VWA8: variants seen among roughly 807,000 people sequenced by gnomAD.
VWA8 encodes von Willebrand factor A domain containing 8.
VWA8 carries 221 observed loss-of-function variants against 241.5 expected under a neutral mutation model. The observed-to-expected ratio is 0.91, with a 90% CI of 0.82 to 1.02. The LOEUF is 1.02. VWA8 is among the 50% of genes least tolerant of loss of function. VWA8 has a pLI of 0.00. For missense variants in VWA8, 2,322 were observed against 2,328.7 expected, an observed-to-expected ratio of 1.00 and a Z score of 0.06; for synonymous variants, 852 against 827.1, an observed-to-expected ratio of 1.03 and a Z score of -0.52.
intron 1 of VWA8, among the ~76,000 whole-genome samples, chr13:41,959,738 A>C (rs1472507832): frequency 6.7e-6 from 1 of 150,080 alleles, no homozygotes. Flanking sequence ...AGTAGCTGGG[A>C]TTACTGGCGC....
intron 2 of VWA8, among the ~76,000 whole-genome samples, chr13:41,921,154 T>C (rs1376164136): frequency 6.6e-6 from 1 of 152,086 alleles, no homozygotes; most frequent in Non-Finnish European, 1.5e-5. Flanking sequence ...ATAAACGTAA[T>C]CCAGCACATA....
chr13:41,718,086 C>T (rs769196440), intron 26 of VWA8, among the ~76,000 whole-genome samples: 52 of 151,724 alleles, frequency 3.4e-4, no homozygotes, highest in Non-Finnish European at 6.9e-4. Flanking sequence ...TTAACCTTAC[C>T]AATTAATATG....
intron 9 of VWA8, among the ~76,000 whole-genome samples, chr13:41,871,519 T>C (rs1032962294): frequency 2.0e-5 from 3 of 152,170 alleles, no homozygotes; most frequent in South Asian, 2.1e-4. Context: ...TGTGTTCTCA[T>C]TGTTCCATTC....
intron 16 of VWA8, among the ~76,000 whole-genome samples, chr13:41,815,779 A>G (rs1418584287): frequency 6.6e-6 from 1 of 152,258 alleles, no homozygotes; most frequent in Non-Finnish European, 1.5e-5. Flanking sequence ...AGAGAGTCAT[A>G]TGATGAATGA....
intron 44 of VWA8, among the ~76,000 whole-genome samples, chr13:41,568,765 T>C (rs980911837): frequency 6.6e-6 from 1 of 152,218 alleles, no homozygotes; most frequent in Admixed American, 6.5e-5. Flanking sequence ...TGAGTGGTTC[T>C]TTCTCTCTTT....
At chr13:41,917,471 C>T (rs922130738) in intron 2 of VWA8, among the ~76,000 whole-genome samples, 8 of 152,046 alleles carry the variant, frequency 5.3e-5, no homozygotes, top group African/African-American at 1.7e-4. Flanking sequence ...GTGCAGAACA[C>T]GCAGATTTGT....
chr13:41,699,253 G>C lies in VWA8; in HGVS notation c.3382C>G (p.Leu1128Val). 2 of 1,614,126 alleles carry C rather than the reference G, an allele frequency of 1.2e-6. No homozygotes were observed. The highest frequency in any genetic ancestry group is 1.7e-6 in the Non-Finnish European group (2 of 1,180,004). Residue 1128 changes from leucine to valine, a missense_variant, in exon 29 of 45, where the codon CTC (leucine) becomes GTC (valine). By Grantham distance (32) the Leu-to-Val change is conservative (BLOSUM62 1). Transcript: ENST00000379310. ...ATSHENEQNT[L>V]YVVTCNPASL... ...GCGGGATTGCATGTAACTACATAGAGAGTATTTTGCTCATTTTCTGAAATG... is the reference window on the plus strand; with the variant it reads ...GCGGGATTGCATGTAACTACATAGACAGTATTTTGCTCATTTTCTGAAATG...
intron 40 of VWA8, among the ~76,000 whole-genome samples, chr13:41,604,060 C>T (rs566049448): frequency 2.6e-5 from 4 of 152,202 alleles, no homozygotes; most frequent in Admixed American, 6.6e-5. Context: ...TACTCATTCT[C>T]AAGTCTTAGG....
At chr13:41,623,254 C>A (rs1421022753) in intron 37 of VWA8, among the ~76,000 whole-genome samples, 1 of 152,148 alleles carries the variant, frequency 6.6e-6, no homozygotes, top group Admixed American at 6.6e-5. Flanking sequence ...GCTGTAGCAT[C>A]CACATGGTGA....
At chr13:41,687,458 C>A (rs1384528881) in intron 34 of VWA8, among the ~76,000 whole-genome samples, 1 of 152,112 alleles carries the variant, frequency 6.6e-6, no homozygotes, top group Non-Finnish European at 1.5e-5. Context: ...AGGTAGCATA[C>A]TCATTTGTCA....
At chr13:41,945,852 A>T (rs1877825436) in intron 2 of VWA8, among the ~76,000 whole-genome samples, 1 of 152,154 alleles carries the variant, frequency 6.6e-6, no homozygotes, top group Admixed American at 6.5e-5. Context: ...AATAATAATG[A>T]AAAATAATAG....
At chr13:41,667,911 C>G in intron 37 of VWA8, among the ~76,000 whole-genome samples, 1 of 152,082 alleles carries the variant, frequency 6.6e-6, no homozygotes, top group East Asian at 1.9e-4. Flanking sequence ...ATGTTTCTAT[C>G]AAAGCATGTA....
At chr13:41,634,945 A>G (rs1004929412) in intron 37 of VWA8, among the ~76,000 whole-genome samples, 2 of 152,158 alleles carry the variant, frequency 1.3e-5, no homozygotes, top group African/African-American at 4.8e-5. Context: ...CATGGAAGAA[A>G]CATTTTATCA....
At chr13:41,803,540 T>C (rs963340543) in intron 17 of VWA8, among the ~76,000 whole-genome samples, 1 of 152,136 alleles carries the variant, frequency 6.6e-6, no homozygotes, top group African/African-American at 2.4e-5. Flanking sequence ...AGAGAACTTG[T>C]GCAGGGAAAC....
At chr13:41,611,246 C>T (rs954239001) in intron 39 of VWA8, among the ~76,000 whole-genome samples, 1 of 152,152 alleles carries the variant, frequency 6.6e-6, no homozygotes, top group African/African-American at 2.4e-5. Flanking sequence ...GTTCCCTTGT[C>T]CTGTCTCCGC....
chr13:41,837,975 C>T (rs1382443401), intron 12 of VWA8, among the ~76,000 whole-genome samples: 1 of 152,146 alleles, frequency 6.6e-6, no homozygotes, highest in Non-Finnish European at 1.5e-5. Context: ...TAACCTTGAA[C>T]ACCTCACTTT....
At chr13:41,918,288 A>C (rs1446032146) in intron 2 of VWA8, among the ~76,000 whole-genome samples, 1 of 152,214 alleles carries the variant, frequency 6.6e-6, no homozygotes, top group East Asian at 1.9e-4. Context: ...AGCTGTTATC[A>C]AAACTAAATC....
chr13:41,881,990 G>T (rs893084035), intron 9 of VWA8, among the ~76,000 whole-genome samples: 1 of 151,076 alleles, frequency 6.6e-6, no homozygotes, highest in Non-Finnish European at 1.5e-5. Context: ...GGGACGGAGG[G>T]GCTCCTCACT....
intron 37 of VWA8, among the ~76,000 whole-genome samples, chr13:41,670,099 C>T (rs1396798018): frequency 6.6e-6 from 1 of 151,862 alleles, no homozygotes; most frequent in African/African-American, 2.4e-5. Context: ...CAGGTATTGA[C>T]GAAATAGTTT....
Sources: allele counts gnomAD v4.1 joint callset (sites outside exome capture counted in the v4.1 genomes callset), GRCh38; gene constraint gnomAD v4.1.1; transcripts MANE v1.5; gene names NCBI Gene and HGNC (gene_info 2026-07-23, HGNC 2026-07-21).